The following ZNF615 variants were observed in gnomAD, a reference collection of about 807,000 sequenced individuals.
ZNF615 encodes zinc finger protein 615.
In ZNF615, 15 loss-of-function variants were observed where a neutral mutation model predicts 15.3. That is an observed-to-expected ratio of 0.98 (90% CI 0.66 to 1.51). The LOEUF (loss-of-function observed/expected upper bound fraction) is 1.51, where lower values mean the gene tolerates loss of function less well. ZNF615 is among the 40% of genes most tolerant of loss of function. The pLI is 0.00. For synonymous variants in ZNF615, 268 were observed against 294.6 expected (o/e 0.91, Z 0.92); for missense variants, 848 against 895.9 (o/e 0.95, Z 0.68).
chr19:52,008,165 C>T lies in ZNF615; in HGVS notation c.-252G>A, dbSNP rs1437394981. On this transcript the variant is annotated 5_prime_UTR_variant, in exon 1 of 7. Transcript: ENST00000598071. ...CTTCCCAGAACTTGGTGGGCTCCGG[C>T]CTCATCTCTCGGCCTCCTCAGTGCC... is the stretch of plus-strand genomic sequence containing the variant. The T allele has an allele frequency of 2.6e-6, 4 of 1,535,504 alleles. No homozygotes were observed. In the East Asian group the frequency reaches 9.8e-5, roughly 38 times the overall value.
rs372246788 is a variant in ZNF615, at chr19:51,994,358, C to G, written c.751G>C (p.Ala251Pro). ...ATTAGTCTGGATTTTCTGGAGAAAG[C>G]TTTCCCACACATACTGCATACATGA... ...KPHVCSMCGK[A>P]FSRKSRLMDH... is the part of the protein sequence containing the mutation. The change falls in exon 7 of 7, where the codon GCT becomes CCT. Residue 251 changes from alanine to proline, a missense_variant. By Grantham distance (27) the Ala-to-Pro change is conservative. Coordinates refer to ENST00000598071, the MANE Select transcript of ZNF615 (RefSeq NM_001199324.2). 6.2e-7 allele frequency: 1 copy of G among 1,614,104 alleles called. No homozygotes were observed. Among genetic ancestry groups the G allele is most frequent in the Non-Finnish European group, 8.5e-7 (1 of 1,180,010 alleles).
At position 51,994,660 on chromosome 19, in the gene ZNF615, G is replaced by A. The variant is rs763933601; in HGVS notation, c.449C>T (p.Ser150Leu). 1.2e-6 allele frequency: 2 copies of A among 1,612,946 alleles called. No individual in the cohort carries two copies. Among genetic ancestry groups the A allele is most frequent in the South Asian group, 2.2e-5 (2 of 90,956 alleles). Residue 150 changes from serine (S) to leucine (L), a missense_variant, in exon 7 of 7, where the codon TCA becomes TTA. Ser to Leu is a moderately radical substitution (Grantham distance 145). Transcript: ENST00000598071. ...TTTCTGGTTTTCAAAACTTAAATTT[G>A]ATTTTAAAGGTTTTTCATGTAAGTC... is the stretch of plus-strand genomic sequence containing the variant. The part of the protein sequence containing the change: ...TFDLHEKPLK[S>L]NLSFENQKRS...
At chr19:51,997,031 A>G (rs1388830998) in intron 6 of ZNF615, among the ~76,000 whole-genome samples, 1 of 152,210 alleles carries the variant, frequency 6.6e-6, no homozygotes, top group Non-Finnish European at 1.5e-5. Context: ...TTAAAAAGTA[A>G]TCATGTCCTG....
Position 51,994,633 on chromosome 19 carries a change from CT to C in ZNF615, c.475del (p.Arg159GlyfsTer5). ...AGCAGAGTTCTTTAGGCCAGAGCTCCTTTTCTGGTTTTCAAAACTTAAATTT... is the reference window on the plus strand; with the variant it reads ...AGCAGAGTTCTTTAGGCCAGAGCTCCTTTCTGGTTTTCAAAACTTAAATTT... ...KSNLSFENQK[R>X]SSGLKNSAEF... On this transcript the variant is annotated frameshift_variant, in exon 7 of 7. Coordinates refer to ENST00000598071, the MANE Select transcript of ZNF615 (RefSeq NM_001199324.2). LOFTEE classifies it low-confidence loss of function (END_TRUNC). 1 of 1,613,102 alleles carries C rather than the reference CT, an allele frequency of 6.2e-7. No individual in the cohort carries two copies. The highest frequency in any genetic ancestry group is 8.5e-7 in the Non-Finnish European group (1 of 1,179,896).
chr19:52,004,851 T>C (rs770251209), intron 2 of ZNF615: 1 of 152,184 alleles, frequency 6.6e-6, no homozygotes, highest in Non-Finnish European at 1.5e-5. Context: ...GAGCAAGGTC[T>C]GAAGAGGAAC....
chr19:51,996,407 AACG>A (rs2086439802), intron 6 of ZNF615, among the ~76,000 whole-genome samples: 1 of 138,288 alleles, frequency 7.2e-6, no homozygotes, highest in African/African-American at 2.7e-5. Context: ...AAAAAAAAAA[AACG>A]CAAAACTATA....
At position 52,001,897 on chromosome 19, in the gene ZNF615, T is replaced by A. The variant is rs770815797; in HGVS notation, c.154A>T (p.Ser52Cys). 6.2e-7 allele frequency: 1 copy of A among 1,614,216 alleles called. No homozygotes were observed. The highest frequency in any genetic ancestry group is 1.7e-5 in the Admixed American group (1 of 60,032). ...AATTTGGAGAGTGCATCTGGTTTGC[T>A]GGCTTGATACCCTGTTCATGGGAAA... is the stretch of plus-strand genomic sequence containing the variant. ...SNLVAVGYQA[S>C]KPDALSKLER... Residue 52 changes from serine to cysteine, a missense_variant, in exon 5 of 7, where the codon AGC becomes TGC. Coordinates refer to ENST00000598071, the MANE Select transcript of ZNF615 (RefSeq NM_001199324.2).
Position 51,993,080 on chromosome 19 carries a change from C to T in ZNF615, c.2029G>A (p.Asp677Asn). ...TGAATTCTCTGATGTGTAATAAGAT[C>T]ATTTTTGCGCAAAGAGAATTTTCCA... ...ECGKFSLRKN[D>N]LITHQRIHTG... is the part of the protein sequence containing the mutation. Residue 677 changes from aspartate to asparagine, a missense_variant, in exon 7 of 7, where the codon GAT (aspartate) becomes AAT (asparagine). Transcript: ENST00000598071. The T allele has an allele frequency of 1.2e-6, 2 of 1,614,122 alleles. No individual in the cohort carries two copies. The highest frequency in any genetic ancestry group is 1.7e-6 in the Non-Finnish European group (2 of 1,180,008).
Position 51,993,764 on chromosome 19 carries a change from C to A in ZNF615, c.1345G>T (p.Ala449Ser). The A allele has an allele frequency of 1.3e-6, 2 of 1,599,922 alleles. No homozygotes were observed. The highest frequency in any genetic ancestry group is 2.3e-5 in the East Asian group (1 of 43,678). Residue 449 changes from alanine to serine, a missense_variant, in exon 7 of 7, where the codon GCT becomes TCT. Transcript: ENST00000598071. Reference protein sequence around the residue: ...YKCNECGKGFALKSPLIRHQR... With the variant: ...YKCNECGKGFSLKSPLIRHQR... Reference sequence around the variant, plus strand: ...TGTCTGATGAGTGGGCTCTTCAAAGCGAAGCCCTTTCCACACTCATTGCAT... The same window carrying A: ...TGTCTGATGAGTGGGCTCTTCAAAGAGAAGCCCTTTCCACACTCATTGCAT...
Position 52,007,277 on chromosome 19 carries a change from G to C in ZNF615, c.-190+16C>G. The C allele has an allele frequency of 3.1e-6, 4 of 1,285,316 alleles. No homozygotes were observed. Among genetic ancestry groups the C allele is most frequent in the Non-Finnish European group, 4.1e-6 (4 of 985,150 alleles). The allele number at this position is 1,285,316 out of a possible 1,614,324, so 79.6% of individuals were successfully genotyped here. On this transcript the variant is annotated intron_variant, in intron 2 of 6. Transcript: ENST00000598071. ...TGAAAATTTGACAAAGGTTATCTTT[G>C]AGTAACCGAGCTTACCATGGCAGAG...
At position 51,994,398 on chromosome 19, in the gene ZNF615, G is replaced by A. The variant is rs1382953188; in HGVS notation, c.711C>T (p.His237=). Residue 237 remains histidine, a synonymous_variant, in exon 7 of 7, where the codon CAC becomes CAT. Coordinates refer to ENST00000598071, the MANE Select transcript of ZNF615 (RefSeq NM_001199324.2). ...TGCATACATGAGGTTTTTCTCCAGT[G>A]TGAACTCTCTGATGATCAATAAACT... The part of the protein sequence containing the change: ...LSQFIDHQRV[H]TGEKPHVCSM... The A allele has an allele frequency of 3.1e-6, 5 of 1,614,070 alleles. No homozygotes were observed. The South Asian group carries it at 4.4e-5, about 14-fold the overall frequency.
intron 2 of ZNF615, chr19:52,004,916 T>C (rs1488007563): frequency 6.6e-6 from 1 of 152,164 alleles, no homozygotes; most frequent in African/African-American, 2.4e-5. Context: ...AAAATAATAC[T>C]GATAATAATA....
At chr19:52,007,755 G>A (rs1025423054) in intron 1 of ZNF615, among the ~76,000 whole-genome samples, 2 of 152,000 alleles carry the variant, frequency 1.3e-5, no homozygotes, top group Non-Finnish European at 2.9e-5. Context: ...AACAAAACCT[G>A]AACCATAAAC....
chr19:51,996,994 T>C (rs1029179888), intron 6 of ZNF615, among the ~76,000 whole-genome samples: 2 of 152,228 alleles, frequency 1.3e-5, no homozygotes, highest in Non-Finnish European at 2.9e-5. Context: ...TTTTACATGA[T>C]AAATATATGT....
At chr19:51,999,541 G>A (rs2086532604) in intron 6 of ZNF615, among the ~76,000 whole-genome samples, 1 of 152,082 alleles carries the variant, frequency 6.6e-6, no homozygotes, top group South Asian at 2.1e-4. Context: ...TTGTGGTATG[G>A]TTACACAACT....
Position 51,994,473 on chromosome 19 carries a change from C to A in ZNF615, c.636G>T (p.Glu212Asp). ...CACATTCACTGCATACATGGGCATT[C>A]TCTATGTTGTGAGTTCTCTGTTGCT... ...FIKQQRTHNI[E>D]NAHVCSECGK... is the part of the protein sequence containing the mutation. The change falls in exon 7 of 7, where the codon GAG becomes GAT. Residue 212 changes from glutamate (E) to aspartate (D), a missense_variant. Physicochemically the swap from Glu to Asp is conservative, Grantham distance 45. Coordinates refer to ENST00000598071, the MANE Select transcript of ZNF615 (RefSeq NM_001199324.2). 1.2e-6 allele frequency: 2 copies of A among 1,614,132 alleles called. No homozygotes were observed. The highest frequency in any genetic ancestry group is 2.2e-5 in the South Asian group (2 of 91,074).
intron 5 of ZNF615, among the ~76,000 whole-genome samples, 197 bp downstream of exon 5, chr19:52,001,616 C>CAAAAAAAAAAA (rs200193378): frequency 9.5e-6 from 1 of 105,374 alleles, no homozygotes; most frequent in African/African-American, 3.1e-5. Flanking sequence ...GACTCCATCT[C>CAAAAAAAAAAA]AAAAAAAAAA....
At chr19:51,997,512 T>C (rs1457956864) in intron 6 of ZNF615, among the ~76,000 whole-genome samples, 1 of 124,530 alleles carries the variant, frequency 8.0e-6, no homozygotes, top group Admixed American at 8.0e-5. Context: ...CCTAACTGGA[T>C]CATACTATCC....
chr19:52,000,221 A>G (rs1568502552), intron 6 of ZNF615, 125 bp downstream of exon 6: 1 of 454,900 alleles, frequency 2.2e-6, no homozygotes. Flanking sequence ...GGGGACTCCA[A>G]GAGGAAGAAG....
Sources: gnomAD v4.1 joint callset for allele counts (sites outside exome capture counted in the v4.1 genomes callset) on GRCh38, gnomAD v4.1.1 for gene constraint, MANE v1.5 for transcripts, NCBI Gene and HGNC (gene_info 2026-07-23, HGNC 2026-07-21) for gene names.